The following SNX8 variants were observed in gnomAD, a reference collection of about 807,000 sequenced individuals.
The protein encoded by SNX8 is sorting nexin 8.
Under a neutral mutation model 51.6 loss-of-function variants are expected in SNX8, and 25 were observed. That is an observed-to-expected ratio of 0.48 (90% CI 0.35 to 0.68). The LOEUF (loss-of-function observed/expected upper bound fraction) is 0.68, where lower values mean the gene tolerates loss of function less well. Ranked by LOEUF, SNX8 falls within the 30% of genes least tolerant of loss-of-function variation. SNX8 has a pLI of 0.00. For synonymous variants in SNX8, 324 were observed against 277.0 expected, an observed-to-expected ratio of 1.17 and a Z score of -1.68; for missense variants, 695 against 624.0, an observed-to-expected ratio of 1.11 and a Z score of -1.21.
At chr7:2,256,661 G>A (rs746542277) in intron 10 of SNX8, among the ~76,000 whole-genome samples, 3 of 152,208 alleles carry the variant, frequency 2.0e-5, no homozygotes, top group Non-Finnish European at 4.4e-5. Context: ...CCGCCCCCCA[G>A]GAATCACAGG....
At chr7:2,286,198 G>C (rs1196690671) in intron 1 of SNX8, among the ~76,000 whole-genome samples, 1 of 151,568 alleles carries the variant, frequency 6.6e-6, no homozygotes, top group Non-Finnish European at 1.5e-5. Context: ...TTTGGGTAGA[G>C]ACGGGGTTTC....
chr7:2,293,893 G>A (rs567049687), intron 1 of SNX8, among the ~76,000 whole-genome samples: 4 of 151,608 alleles, frequency 2.6e-5, no homozygotes, highest in African/African-American at 9.7e-5. Flanking sequence ...TGGTACCCGG[G>A]AGGGGGAGGT....
chr7:2,273,628 G>A (rs1219535489), intron 3 of SNX8, among the ~76,000 whole-genome samples: 17 of 150,150 alleles, frequency 1.1e-4, no homozygotes, highest in Non-Finnish European at 2.5e-4. Flanking sequence ...AAGAGGCCAG[G>A]TGCGGTGGCT....
At chr7:2,303,140 G>A (rs1365164445) in intron 1 of SNX8, among the ~76,000 whole-genome samples, 3 of 148,272 alleles carry the variant, frequency 2.0e-5, no homozygotes, top group Admixed American at 6.7e-5. Flanking sequence ...CAGCCGCCCC[G>A]TCCGGGAGGT....
chr7:2,255,211 G>C, intron 10 of SNX8, 42 bp from the exon 11 acceptor site: 2 of 1,282,876 alleles, frequency 1.6e-6, no homozygotes, highest in Non-Finnish European at 2.1e-6. Flanking sequence ...AGGCGGGGCC[G>C]GGGCTCCTCC....
At chr7:2,287,717 C>T (rs1213406031) in intron 1 of SNX8, among the ~76,000 whole-genome samples, 1 of 152,064 alleles carries the variant, frequency 6.6e-6, no homozygotes, top group Non-Finnish European at 1.5e-5. Flanking sequence ...CACCACACTG[C>T]ACTCCAGCCT....
At chr7:2,353,197 G>A (rs1483305726) in intron 1 of SNX8, among the ~76,000 whole-genome samples, 1 of 152,034 alleles carries the variant, frequency 6.6e-6, no homozygotes, top group Non-Finnish European at 1.5e-5. Context: ...TGTACTTAAT[G>A]TCACTGAACT....
intron 6 of SNX8, 64 bp downstream of exon 6, chr7:2,264,234 C>T: frequency 1.3e-6 from 2 of 1,504,896 alleles, no homozygotes; most frequent in Non-Finnish European, 9.1e-7. Flanking sequence ...CCGCCCAAGC[C>T]CTTCACCAGC....
At chr7:2,323,570 A>T (rs1778573052) in intron 1 of SNX8, among the ~76,000 whole-genome samples, 1 of 152,078 alleles carries the variant, frequency 6.6e-6, no homozygotes, top group Admixed American at 6.6e-5. Flanking sequence ...CTGCCATGTT[A>T]ACAGAGAGAA....
At chr7:2,326,257 T>A (rs4314559) in intron 1 of SNX8, among the ~76,000 whole-genome samples, 2 of 152,012 alleles carry the variant, frequency 1.3e-5, no homozygotes, top group Non-Finnish European at 1.5e-5. Flanking sequence ...CCTAGTTACT[T>A]GGGAGGCTGA....
intron 1 of SNX8, among the ~76,000 whole-genome samples, chr7:2,297,091 C>T (rs971234913): frequency 6.6e-6 from 1 of 151,856 alleles, no homozygotes; most frequent in South Asian, 2.1e-4. Flanking sequence ...CAGATGTTGG[C>T]GTAGATGTGG....
At chr7:2,347,471 ATG>A in intron 1 of SNX8, among the ~76,000 whole-genome samples, 1 of 109,148 alleles carries the variant, frequency 9.2e-6, no homozygotes, top group Non-Finnish European at 1.8e-5. Context: ...ACAGAGCAAG[ATG>A]CTGTCTCAAA....
At chr7:2,314,138 G>A (rs1368086007) in intron 1 of SNX8, among the ~76,000 whole-genome samples, 190 bp downstream of exon 1, 1 of 151,772 alleles carries the variant, frequency 6.6e-6, no homozygotes, top group African/African-American at 2.4e-5. Flanking sequence ...GAGAGAGCAC[G>A]GGGACCCCCA....
chr7:2,332,215 AT>A (rs1051510424), intron 1 of SNX8, among the ~76,000 whole-genome samples: 5 of 150,080 alleles, frequency 3.3e-5, no homozygotes, highest in African/African-American at 1.2e-4. Context: ...TCAGAAAAAA[AT>A]ATATATATAT....
chr7:2,326,451 G>A (rs998282394), intron 1 of SNX8, among the ~76,000 whole-genome samples: 4 of 151,120 alleles, frequency 2.6e-5, no homozygotes, highest in Non-Finnish European at 5.9e-5. Flanking sequence ...AGATCACGAG[G>A]TCAGGAGATC....
At chr7:2,313,195 A>G (rs983447029) in intron 1 of SNX8, among the ~76,000 whole-genome samples, 1 of 151,888 alleles carries the variant, frequency 6.6e-6, no homozygotes, top group Admixed American at 6.6e-5. Context: ...CACCGTGCCC[A>G]GCCATGTTTA....
chr7:2,283,690 A>C (rs945276600), intron 1 of SNX8, among the ~76,000 whole-genome samples: 1 of 152,182 alleles, frequency 6.6e-6, no homozygotes, highest in Non-Finnish European at 1.5e-5. Flanking sequence ...TAAATTCCCC[A>C]AAGTGGGTGC....
rs55674743 is a variant in SNX8, at chr7:2,287,500, A to G, written c.95-9195T>C. On this transcript the variant is annotated intron_variant, in intron 1 of 10. Coordinates refer to ENST00000222990, the MANE Select transcript of SNX8 (RefSeq NM_013321.4). ...AGGCTGAGGCAGGACAATCACTTGAACCTGGGAGGCAGAGGTTGCAGTGAG... is the reference window on the plus strand; with the variant it reads ...AGGCTGAGGCAGGACAATCACTTGAGCCTGGGAGGCAGAGGTTGCAGTGAG... Among the ~76,000 whole-genome samples, 1,067 of 151,326 alleles carry G rather than the reference A, an allele frequency of 7.1e-3. 18 individuals are homozygous for G. The highest frequency in any genetic ancestry group is 0.025 in the African/African-American group (1,021 of 41,138).
chr7:2,314,099 G>A (rs1386205682), intron 1 of SNX8, among the ~76,000 whole-genome samples: 1 of 152,234 alleles, frequency 6.6e-6, no homozygotes, highest in Non-Finnish European at 1.5e-5. Context: ...CGGCGCAGGA[G>A]GGCAGGGGAC....
Sources: gnomAD v4.1 joint callset for allele counts (sites outside exome capture counted in the v4.1 genomes callset) on GRCh38, gnomAD v4.1.1 for gene constraint, MANE v1.5 for transcripts, NCBI Gene and HGNC (gene_info 2026-07-23, HGNC 2026-07-21) for gene names.